Variants in EPHB2 observed in about 807,000 individuals in gnomAD.
The protein encoded by EPHB2 is ephrin type-B receptor 2.
Under a neutral mutation model 96.4 loss-of-function variants are expected in EPHB2, and 18 were observed. The ratio of observed to expected loss-of-function variants is 0.19; its 90% CI spans 0.13 to 0.28. EPHB2 has a LOEUF of 0.28. Ranked by LOEUF, EPHB2 falls within the 10% of genes least tolerant of loss-of-function variation. The pLI, the probability that EPHB2 is intolerant of heterozygous loss-of-function variation, is 1.00. For missense variants in EPHB2, 989 were observed against 1,355.4 expected (o/e 0.73, Z 4.25); for synonymous variants, 506 against 534.1 (o/e 0.95, Z 0.72).
At chr1:22,867,921 G>A (rs1028207956) in intron 5 of EPHB2, among the ~76,000 whole-genome samples, 1 of 152,172 alleles carries the variant, frequency 6.6e-6, no homozygotes. Flanking sequence ...ACCCCTAACA[G>A]ATTAGAAAAC....
intron 1 of EPHB2, among the ~76,000 whole-genome samples, chr1:22,776,129 C>T (rs1037372487): frequency 6.6e-6 from 1 of 152,174 alleles, no homozygotes; most frequent in African/African-American, 2.4e-5. Flanking sequence ...CCTCCAGGCT[C>T]AGCTCTTAGC....
intron 3 of EPHB2, among the ~76,000 whole-genome samples, chr1:22,800,771 GACACACAC>G (rs71666873): frequency 1.9e-4 from 28 of 148,554 alleles, no homozygotes; most frequent in Middle Eastern, 3.4e-3. Context: ...GTGTGTATGT[GACACACAC>G]ACACACACAC....
chr1:22,842,951 C>T (rs1379532848), intron 3 of EPHB2, among the ~76,000 whole-genome samples: 1 of 152,282 alleles, frequency 6.6e-6, no homozygotes, highest in East Asian at 1.9e-4. Context: ...CTCTCTAGCA[C>T]ATCCCCCTGT....
At chr1:22,774,813 T>TG (rs1307258635) in intron 1 of EPHB2, among the ~76,000 whole-genome samples, 1 of 152,172 alleles carries the variant, frequency 6.6e-6, no homozygotes, top group Admixed American at 6.5e-5. Flanking sequence ...TTCTCAGTGT[T>TG]GAGGGTACAG....
chr1:22,837,057 C>T (rs1645396330), intron 3 of EPHB2, among the ~76,000 whole-genome samples: 1 of 152,132 alleles, frequency 6.6e-6, no homozygotes, highest in African/African-American at 2.4e-5. Context: ...GGGAGGGGGG[C>T]CTGAACTGGA....
chr1:22,719,164 C>T (rs1281646473), intron 1 of EPHB2, among the ~76,000 whole-genome samples: 7 of 152,160 alleles, frequency 4.6e-5, no homozygotes, highest in Non-Finnish European at 1.0e-4. Context: ...GAAACAGTCA[C>T]AGGGCCATTT....
Position 22,784,449 on chromosome 1 carries a change from T to G in EPHB2, c.184T>G (p.Cys62Gly), listed in dbSNP as rs1292993183. ...GAACACGATCCGCACGTACCAGGTGTGCAACGTGTTTGAGTCAAGCCAGAA... is the reference window on the plus strand; with the variant it reads ...GAACACGATCCGCACGTACCAGGTGGGCAACGTGTTTGAGTCAAGCCAGAA... ...NMNTIRTYQV[C>G]NVFESSQNNW... The change falls in exon 3 of 16, where the codon TGC becomes GGC. Residue 62 changes from cysteine (C) to glycine (G), a missense_variant. By Grantham distance (159) the Cys-to-Gly change is radical. Coordinates refer to ENST00000374630, the MANE Select transcript of EPHB2 (RefSeq NM_017449.5). The surrounding 1 kb of genome is among the most constrained non-coding windows in gnomAD (Gnocchi z 5.1). 1 of 1,614,172 alleles carries G rather than the reference T, an allele frequency of 6.2e-7. No homozygotes were observed. Among genetic ancestry groups the G allele is most frequent in the East Asian group, 2.2e-5 (1 of 44,870 alleles).
intron 5 of EPHB2, among the ~76,000 whole-genome samples, chr1:22,874,799 A>T (rs1638784838): frequency 6.6e-6 from 1 of 151,966 alleles, no homozygotes; most frequent in African/African-American, 2.4e-5. Flanking sequence ...AATAATAATA[A>T]TGTCTCCTGG....
At chr1:22,775,877 A>G (rs183571271) in intron 1 of EPHB2, among the ~76,000 whole-genome samples, 2 of 152,260 alleles carry the variant, frequency 1.3e-5, no homozygotes, top group African/African-American at 4.8e-5. Context: ...TTCTTCATCT[A>G]TCCATTGGGA....
chr1:22,883,021 G>A (rs1192115087), intron 6 of EPHB2, among the ~76,000 whole-genome samples: 2 of 152,152 alleles, frequency 1.3e-5, no homozygotes, highest in Non-Finnish European at 2.9e-5. Flanking sequence ...CCTTTGGGTG[G>A]AAGCCCCTGG....
chr1:22,885,892 T>C (rs931797019), intron 6 of EPHB2, among the ~76,000 whole-genome samples: 2 of 152,190 alleles, frequency 1.3e-5, no homozygotes, highest in Non-Finnish European at 2.9e-5. Flanking sequence ...GAGGGACAGC[T>C]TGGCATCTGC....
At chr1:22,777,078 C>G (rs1417691935) in intron 1 of EPHB2, among the ~76,000 whole-genome samples, 4 of 152,060 alleles carry the variant, frequency 2.6e-5, no homozygotes, top group South Asian at 2.1e-4. Context: ...AGAGGACTTG[C>G]TAGAGGAGGT....
At chr1:22,892,748 G>A in intron 6 of EPHB2, 136 bp from the exon 7 acceptor site, 2 of 1,088,182 alleles carry the variant, frequency 1.8e-6, no homozygotes, top group Admixed American at 3.4e-5. Flanking sequence ...CTATTAAAGG[G>A]AGGGGATGAA....
chr1:22,913,610 C>T lies in EPHB2; in HGVS notation c.*40C>T. ...GGCTCACCTCTTCCTCCAAGCCCCG[C>T]CCCCTCTGCCCCACGTGCCGGCCCT... On this transcript the variant is annotated 3_prime_UTR_variant, in exon 16 of 16. Transcript: ENST00000374630. The surrounding 1 kb of genome is among the most constrained non-coding windows in gnomAD (Gnocchi z 4.1). 6.2e-7 allele frequency: 1 copy of T among 1,612,116 alleles called. No individual in the cohort carries two copies. Among genetic ancestry groups the T allele is most frequent in the South Asian group, 1.1e-5 (1 of 90,584 alleles).
intron 1 of EPHB2, among the ~76,000 whole-genome samples, chr1:22,736,773 A>G (rs1345517044): frequency 3.2e-4 from 49 of 152,192 alleles, no homozygotes; most frequent in Non-Finnish European, 1.6e-4. Flanking sequence ...TTTTTTTCCC[A>G]GCGCACTGTG....
chr1:22,806,524 T>C (rs1296022074), intron 3 of EPHB2, among the ~76,000 whole-genome samples: 5 of 135,944 alleles, frequency 3.7e-5, no homozygotes, highest in African/African-American at 1.4e-4. Context: ...GATGGATGGA[T>C]GGATGGATGG....
At position 22,860,712 on chromosome 1, in the gene EPHB2, C is replaced by T. The variant is rs1016791384; in HGVS notation, c.812-2325C>T. Among the ~76,000 whole-genome samples, 2 of 152,162 alleles carry T rather than the reference C, an allele frequency of 1.3e-5. No homozygotes were observed. The highest frequency in any genetic ancestry group is 1.3e-4 in the Admixed American group (2 of 15,282). The stretch of plus-strand genomic sequence containing the variant: ...GGAGCCTGATCTTGGGGCCAAAACC[C>T]TTTGGCATCTCTAAGGATGGTTCTA... On this transcript the variant is annotated intron_variant, in intron 3 of 15. Transcript: ENST00000374630. This position sits in a 1 kb window ranked among gnomAD's most constrained non-coding sequence, Gnocchi z 4.6.
intron 5 of EPHB2, among the ~76,000 whole-genome samples, chr1:22,876,598 A>T (rs140902685): frequency 0.011 from 1,672 of 152,218 alleles, 24 homozygotes; most frequent in Middle Eastern, 0.024. Flanking sequence ...CTGGGGCTCC[A>T]TCTCCTTGCA....
At chr1:22,736,951 A>T (rs1643845656) in intron 1 of EPHB2, among the ~76,000 whole-genome samples, 1 of 152,016 alleles carries the variant, frequency 6.6e-6, no homozygotes, top group Non-Finnish European at 1.5e-5. Context: ...CTCTGGGTGG[A>T]GTCAGAAGGG....
Sources: gnomAD v4.1 joint callset for allele counts (sites outside exome capture counted in the v4.1 genomes callset) on GRCh38, gnomAD v4.1.1 for gene constraint, Gnocchi (gnomAD v3.1) non-coding constraint, MANE v1.5 for transcripts, NCBI Gene and HGNC (gene_info 2026-07-23, HGNC 2026-07-21) for gene names.